The following RBFOX1 variants were observed in gnomAD, a reference collection of about 807,000 sequenced individuals.
RBFOX1 encodes the protein RNA binding protein fox-1 homolog 1.
RBFOX1 carries 8 observed loss-of-function variants against 57.7 expected under a neutral mutation model. That is an observed-to-expected ratio of 0.14 (90% CI 0.08 to 0.25). The LOEUF is 0.25. Ranked by LOEUF, RBFOX1 falls within the 10% of genes least tolerant of loss-of-function variation. The pLI is 1.00. For synonymous variants in RBFOX1, 326 were observed against 222.4 expected, an observed-to-expected ratio of 1.47 and a Z score of -4.15; for missense variants, 611 against 548.5, an observed-to-expected ratio of 1.11 and a Z score of -1.14.
intron 8 of RBFOX1, among the ~76,000 whole-genome samples, chr16:7,596,652 T>G (rs1417044989): frequency 6.6e-6 from 1 of 152,156 alleles, no homozygotes; most frequent in African/African-American, 2.4e-5. Context: ...CTCTATTTTT[T>G]TGGATATTGG....
At chr16:5,255,382 A>C (rs533640755) in intron 1 of RBFOX1, among the ~76,000 whole-genome samples, 2 of 150,350 alleles carry the variant, frequency 1.3e-5, no homozygotes, top group African/African-American at 4.9e-5. Context: ...CCATCCATCC[A>C]GACATGCATA....
intron 4 of RBFOX1, among the ~76,000 whole-genome samples, chr16:7,090,213 A>C (rs1043612582): frequency 1.3e-5 from 2 of 152,220 alleles, no homozygotes; most frequent in African/African-American, 4.8e-5. Context: ...GTGAAAATGA[A>C]GAGACAAGGA....
intron 4 of RBFOX1, among the ~76,000 whole-genome samples, chr16:7,178,407 T>A (rs905524694): frequency 2.0e-5 from 3 of 152,150 alleles, no homozygotes; most frequent in African/African-American, 7.2e-5. Flanking sequence ...AACACAATCT[T>A]CCCAAGTTCG....
At chr16:7,366,312 C>A (rs1439827258) in intron 4 of RBFOX1, among the ~76,000 whole-genome samples, 1 of 152,212 alleles carries the variant, frequency 6.6e-6, no homozygotes, top group Non-Finnish European at 1.5e-5. Flanking sequence ...ATTGCCAGAT[C>A]GTTGAGCACC....
intron 3 of RBFOX1, among the ~76,000 whole-genome samples, chr16:6,728,709 C>A (rs1603466902): frequency 6.6e-6 from 1 of 152,092 alleles, no homozygotes; most frequent in Non-Finnish European, 1.5e-5. Flanking sequence ...CAATCAGAGG[C>A]ATTTTATATT....
intron 3 of RBFOX1, among the ~76,000 whole-genome samples, chr16:5,714,637 G>T (rs748035975): frequency 6.6e-6 from 1 of 152,174 alleles, no homozygotes; most frequent in Non-Finnish European, 1.5e-5. Flanking sequence ...CAAGAAAGAT[G>T]TGCTTAGTAA....
At chr16:6,548,657 G>A (rs1312248049) in intron 2 of RBFOX1, among the ~76,000 whole-genome samples, 2 of 152,186 alleles carry the variant, frequency 1.3e-5, no homozygotes, top group Non-Finnish European at 2.9e-5. Context: ...AGCACACGGG[G>A]TAGACTTCAG....
intron 1 of RBFOX1, among the ~76,000 whole-genome samples, chr16:6,216,320 C>G (rs1990570): frequency 0.95 from 144,913 of 152,186 alleles, 69,315 homozygotes; most frequent in East Asian, 1. Flanking sequence ...TAACCATCTA[C>G]TAGACAGAGG....
intron 4 of RBFOX1, among the ~76,000 whole-genome samples, chr16:7,446,193 G>C (rs989943477): frequency 6.6e-6 from 1 of 152,160 alleles, no homozygotes. Flanking sequence ...ATAACCAGCA[G>C]TTCTCCTGGT....
chr16:7,444,263 T>C (rs994566274), intron 4 of RBFOX1, among the ~76,000 whole-genome samples: 8 of 152,194 alleles, frequency 5.3e-5, no homozygotes, highest in Admixed American at 1.3e-4. Flanking sequence ...TCCTAATGGG[T>C]CATCCAGAAA....
intron 4 of RBFOX1, among the ~76,000 whole-genome samples, chr16:7,428,862 A>G (rs531260238): frequency 3.3e-5 from 5 of 152,240 alleles, no homozygotes; most frequent in African/African-American, 1.2e-4. Flanking sequence ...TGATAACAGT[A>G]GTAGAAGTAG....
At chr16:6,812,907 T>G (rs1449051543) in intron 3 of RBFOX1, among the ~76,000 whole-genome samples, 2 of 152,162 alleles carry the variant, frequency 1.3e-5, no homozygotes. Flanking sequence ...GTGACGATGT[T>G]TCTAGAGGTC....
At chr16:7,330,975 G>C (rs1319431133) in intron 4 of RBFOX1, among the ~76,000 whole-genome samples, 3 of 152,128 alleles carry the variant, frequency 2.0e-5, no homozygotes, top group Non-Finnish European at 1.5e-5. Flanking sequence ...TGAGTAAGAG[G>C]GGTCAGTGCG....
At chr16:6,510,389 C>T (rs953339587) in intron 2 of RBFOX1, among the ~76,000 whole-genome samples, 1 of 152,090 alleles carries the variant, frequency 6.6e-6, no homozygotes, top group African/African-American at 2.4e-5. Context: ...TTTCCCGATG[C>T]CGTTCTGCTC....
chr16:7,310,476 G>A (rs558865506), intron 4 of RBFOX1, among the ~76,000 whole-genome samples: 11 of 152,232 alleles, frequency 7.2e-5, no homozygotes, highest in South Asian at 4.2e-4. Context: ...AAAAACTGAC[G>A]TTAACTGTGG....
chr16:7,342,339 C>T (rs576774686), intron 4 of RBFOX1, among the ~76,000 whole-genome samples: 9 of 152,230 alleles, frequency 5.9e-5, no homozygotes, highest in African/African-American at 1.7e-4. Context: ...CCCACTCAGA[C>T]GCATCTGAGT....
intron 1 of RBFOX1, among the ~76,000 whole-genome samples, chr16:6,311,342 G>C (rs952630805): frequency 6.6e-6 from 1 of 151,482 alleles, no homozygotes; most frequent in Non-Finnish European, 1.5e-5. Flanking sequence ...TGGCTTTTGG[G>C]TTTTGTTCTT....
chr16:6,960,843 A>T (rs1162437855), intron 3 of RBFOX1, among the ~76,000 whole-genome samples: 1 of 151,926 alleles, frequency 6.6e-6, no homozygotes, highest in Non-Finnish European at 1.5e-5. Flanking sequence ...AAGAGATTAA[A>T]TGCCTCAGGT....
chr16:7,664,748 A>T, intron 12 of RBFOX1, 181 bp from the exon 13 acceptor site: 1 of 1,070,852 alleles, frequency 9.3e-7, no homozygotes, highest in African/African-American at 1.6e-5. Context: ...AGCCCGGCCT[A>T]ATTTTCTCGG....
Sources: allele counts gnomAD v4.1 joint callset (sites outside exome capture counted in the v4.1 genomes callset), GRCh38; gene constraint gnomAD v4.1.1; transcripts MANE v1.5; gene names NCBI Gene and HGNC (gene_info 2026-07-23, HGNC 2026-07-21).